The following DLG2 variants were observed in gnomAD, a reference collection of about 807,000 sequenced individuals.
DLG2 encodes the protein discs large MAGUK scaffold protein 2.
In DLG2, 45 loss-of-function variants were observed where a neutral mutation model predicts 132.5. That is an observed-to-expected ratio of 0.34 (90% CI 0.27 to 0.44). The LOEUF is 0.44. Ranked by LOEUF, DLG2 falls within the 20% of genes least tolerant of loss-of-function variation. The pLI is 1.00. For missense variants in DLG2, 1,045 were observed against 1,196.9 expected (o/e 0.87, Z 1.87); for synonymous variants, 424 against 419.6 (o/e 1.01, Z -0.13).
intron 15 of DLG2, among the ~76,000 whole-genome samples, chr11:83,879,777 G>GATGACT (rs2154073040): frequency 6.6e-6 from 1 of 152,206 alleles, no homozygotes; most frequent in African/African-American, 2.4e-5. Flanking sequence ...AGGTGCTTGG[G>GATGACT]ATGACTCTTT....
chr11:85,330,794 A>AT (rs2081664641), intron 3 of DLG2, among the ~76,000 whole-genome samples: 1 of 22,526 alleles, frequency 4.4e-5, no homozygotes, highest in Non-Finnish European at 8.6e-5. Flanking sequence ...AAAAAAATTA[A>AT]AAAAAAAAAA....
At chr11:85,290,055 C>T (rs1425475847) in intron 3 of DLG2, among the ~76,000 whole-genome samples, 1 of 152,096 alleles carries the variant, frequency 6.6e-6, no homozygotes, top group African/African-American at 2.4e-5. Context: ...TATCCTTAAA[C>T]TCAGCAAGCA....
chr11:84,033,761 G>A (rs890546198), intron 11 of DLG2, among the ~76,000 whole-genome samples: 5 of 152,140 alleles, frequency 3.3e-5, no homozygotes, highest in African/African-American at 4.8e-5. Context: ...CAGCCGGGCC[G>A]GGCGCGGTGG....
chr11:84,064,914 G>A lies in DLG2; in HGVS notation c.750-5430C>T, dbSNP rs148534004. On this transcript the variant is annotated intron_variant, in intron 10 of 27. Coordinates refer to ENST00000376104, the MANE Select transcript of DLG2 (RefSeq NM_001142699.3). ...GAATAGGGAATCTAGAAATAATGCT[G>A]CACACCTACAGCCATCTGATTTTCA... 3.3e-5 allele frequency among the ~76,000 whole-genome samples: 5 copies of A among 152,144 alleles called. No homozygotes were observed. The East Asian group carries it at 9.7e-4, about 29-fold the overall frequency.
chr11:84,104,289 G>C (rs969411375), intron 9 of DLG2, among the ~76,000 whole-genome samples: 1 of 152,114 alleles, frequency 6.6e-6, no homozygotes, highest in African/African-American at 2.4e-5. Context: ...TATGGATGCA[G>C]CTGGAGGCCA....
rs528621921 is a variant in DLG2 at position 85,472,492 on chromosome 11, G to T, written c.40+126165C>A. On this transcript the variant is annotated intron_variant, in intron 3 of 27. Transcript: ENST00000376104. ...TTTTTGTATTTTTAGTAGAGACAGGGTTCCTCCATGTTGGCCAGGATGGTC... is the reference window on the plus strand; with the variant it reads ...TTTTTGTATTTTTAGTAGAGACAGGTTTCCTCCATGTTGGCCAGGATGGTC... 5.9e-5 allele frequency among the ~76,000 whole-genome samples: 9 copies of T among 152,196 alleles called. No homozygotes were observed. In the South Asian group the frequency reaches 1.7e-3, roughly 28 times the overall value.
At chr11:83,987,363 G>A (rs1163307397) in intron 11 of DLG2, among the ~76,000 whole-genome samples, 3 of 151,866 alleles carry the variant, frequency 2.0e-5, no homozygotes, top group African/African-American at 2.4e-5. Context: ...GTTCATGTGG[G>A]ACCAAAAAAG....
chr11:84,669,143 G>A (rs1265201644), intron 6 of DLG2, among the ~76,000 whole-genome samples: 1 of 152,054 alleles, frequency 6.6e-6, no homozygotes, highest in Non-Finnish European at 1.5e-5. Flanking sequence ...GAGGCAAAGG[G>A]CAAGCATGTG....
chr11:83,924,614 G>A (rs1474290965), intron 15 of DLG2, among the ~76,000 whole-genome samples: 2 of 152,046 alleles, frequency 1.3e-5, no homozygotes, highest in Non-Finnish European at 2.9e-5. Flanking sequence ...CACTGGACTC[G>A]CTATTAAGCT....
intron 3 of DLG2, among the ~76,000 whole-genome samples, chr11:85,538,345 T>C (rs994830625): frequency 2.0e-5 from 3 of 151,844 alleles, no homozygotes; most frequent in Non-Finnish European, 4.4e-5. Context: ...AAACAACAGA[T>C]GCTGGCAAGG....
At chr11:85,077,438 G>A (rs552165183) in intron 6 of DLG2, among the ~76,000 whole-genome samples, 2 of 151,974 alleles carry the variant, frequency 1.3e-5, no homozygotes, top group Admixed American at 1.3e-4. Flanking sequence ...GGAGTTGTTT[G>A]GCAATAAAAT....
chr11:83,507,372 G>T (rs1045273546), intron 21 of DLG2, among the ~76,000 whole-genome samples: 1 of 149,744 alleles, frequency 6.7e-6, no homozygotes, highest in Non-Finnish European at 1.5e-5. Context: ...CTGTATTAGG[G>T]TTCTCTAGAG....
chr11:83,714,127 T>C (rs917169336), intron 18 of DLG2, among the ~76,000 whole-genome samples: 2 of 152,128 alleles, frequency 1.3e-5, no homozygotes, highest in Non-Finnish European at 2.9e-5. Context: ...TTGGTTGCTG[T>C]TTATGTTAAG....
chr11:83,654,745 A>C (rs1362980541), intron 18 of DLG2, among the ~76,000 whole-genome samples: 1 of 152,242 alleles, frequency 6.6e-6, no homozygotes, highest in Non-Finnish European at 1.5e-5. Context: ...GAAATGAAGT[A>C]ATTTTATTTA....
At chr11:83,765,145 T>C (rs545426137) in intron 18 of DLG2, among the ~76,000 whole-genome samples, 2 of 152,220 alleles carry the variant, frequency 1.3e-5, no homozygotes, top group South Asian at 2.1e-4. Flanking sequence ...CATTGTAAAA[T>C]ATAGCCTAAA....
chr11:83,602,118 T>C (rs1451297469), intron 19 of DLG2, among the ~76,000 whole-genome samples: 5 of 152,184 alleles, frequency 3.3e-5, no homozygotes, highest in Non-Finnish European at 7.3e-5. Context: ...GAACCACATG[T>C]TTCTGGATTT....
At chr11:84,546,634 C>T (rs2099390476) in intron 6 of DLG2, 2 of 527,240 alleles carry the variant, frequency 3.8e-6, no homozygotes, top group Admixed American at 4.5e-5. Flanking sequence ...GCATTTAGGG[C>T]TGCATCCACC....
chr11:84,924,550 A>T (rs2092906011), intron 6 of DLG2, among the ~76,000 whole-genome samples: 1 of 152,246 alleles, frequency 6.6e-6, no homozygotes, highest in South Asian at 2.1e-4. Context: ...AGGCAGCTTC[A>T]GGAGGAAGAA....
chr11:84,776,657 T>A (rs949179225), intron 6 of DLG2, among the ~76,000 whole-genome samples: 1 of 152,190 alleles, frequency 6.6e-6, no homozygotes, highest in Non-Finnish European at 1.5e-5. Flanking sequence ...GAAAACGATA[T>A]AATATATAGT....
Sources: allele counts gnomAD v4.1 joint callset (sites outside exome capture counted in the v4.1 genomes callset), GRCh38; gene constraint gnomAD v4.1.1; transcripts MANE v1.5; gene names NCBI Gene and HGNC (gene_info 2026-07-23, HGNC 2026-07-21).